SWAP70: variants seen among roughly 807,000 people sequenced by gnomAD.
SWAP70 encodes the protein switching B cell complex subunit SWAP70, also known as switch-associated protein 70.
Under a neutral mutation model 80.2 loss-of-function variants are expected in SWAP70, and 34 were observed. The observed-to-expected ratio is 0.42, with a 90% CI of 0.32 to 0.56. SWAP70 has a LOEUF of 0.56. Among genes scored for constraint, SWAP70 ranks in the 20% least tolerant of loss-of-function variants. SWAP70 has a pLI of 0.09. For synonymous variants in SWAP70, 239 were observed against 238.5 expected, an observed-to-expected ratio of 1.00 and a Z score of -0.02; for missense variants, 578 against 690.7, an observed-to-expected ratio of 0.84 and a Z score of 1.83.
intron 1 of SWAP70, chr11:9,681,178 G>A (rs1156950646): frequency 1.3e-5 from 2 of 152,228 alleles, no homozygotes; most frequent in Non-Finnish European, 2.9e-5. Flanking sequence ...TGAGAGAATG[G>A]GGCAGATCTT....
At chr11:9,699,420 G>A (rs977461930) in intron 2 of SWAP70, among the ~76,000 whole-genome samples, 2 of 152,010 alleles carry the variant, frequency 1.3e-5, no homozygotes, top group African/African-American at 4.8e-5. Context: ...TATTGCTCAG[G>A]TAGCTTATTT....
chr11:9,727,338 C>T (rs375725975), intron 4 of SWAP70, among the ~76,000 whole-genome samples: 6 of 152,184 alleles, frequency 3.9e-5, no homozygotes, highest in East Asian at 1.9e-4. Context: ...TGCAGTGAGC[C>T]GAGATTGCAC....
intron 7 of SWAP70, among the ~76,000 whole-genome samples, chr11:9,737,685 C>G: frequency 6.6e-6 from 1 of 152,062 alleles, no homozygotes; most frequent in East Asian, 1.9e-4. Context: ...ATCACGAGGT[C>G]AAGAGATCGA....
rs376319603 is a variant in SWAP70, at chr11:9,714,020, GC to G, written c.414+382del. Among the ~76,000 whole-genome samples the G allele has an allele frequency of 1.7e-3, 254 of 152,304 alleles. 1 individual carries two copies. The highest frequency in any genetic ancestry group is 0.01 in the Middle Eastern group (3 of 294). ...TGAGATCCAGAATGTTGTTTTCAGG[GC>G]TGTTTTGTGTGAGTAAATACTATTC... On this transcript the variant is annotated intron_variant, in intron 3 of 11. Transcript: ENST00000318950.
At chr11:9,706,909 T>C (rs1250128349) in intron 2 of SWAP70, among the ~76,000 whole-genome samples, 2 of 152,126 alleles carry the variant, frequency 1.3e-5, no homozygotes, top group Non-Finnish European at 2.9e-5. Flanking sequence ...TCCTTTTTTT[T>C]CTTTATTTTT....
At chr11:9,671,872 T>C (rs1475898909) in intron 1 of SWAP70, among the ~76,000 whole-genome samples, 1 of 101,720 alleles carries the variant, frequency 9.8e-6, no homozygotes, top group Non-Finnish European at 1.7e-5. Flanking sequence ...ATATTTATAA[T>C]TTAAATATAA....
chr11:9,734,425 A>G (rs1265874404), intron 7 of SWAP70, among the ~76,000 whole-genome samples: 1 of 152,238 alleles, frequency 6.6e-6, no homozygotes. Context: ...TGAAGAAGGC[A>G]TGCCTGGTGT....
intron 3 of SWAP70, among the ~76,000 whole-genome samples, chr11:9,718,599 A>G (rs1851094693): frequency 1.3e-5 from 2 of 152,250 alleles, no homozygotes; most frequent in African/African-American, 4.8e-5. Flanking sequence ...ATTTAATGTG[A>G]AAACAGATAT....
Position 9,738,325 on chromosome 11 carries a change from G to A in SWAP70, c.1188+5G>A. ...GAGCTGGAAAGAGAGAAGCTTGTGA[G>A]TATCACATGGCTGGAGAAAGCAGCT... On this transcript the variant is annotated splice_donor_5th_base_variant and intron_variant, in intron 8 of 11. Coordinates refer to ENST00000318950, the MANE Select transcript of SWAP70 (RefSeq NM_015055.4). 6.3e-7 allele frequency: 1 copy of A among 1,582,460 alleles called. No homozygotes were observed. The highest frequency in any genetic ancestry group is 8.6e-7 in the Non-Finnish European group (1 of 1,164,674).
intron 1 of SWAP70, among the ~76,000 whole-genome samples, chr11:9,686,755 G>A (rs1204229369): frequency 2.6e-5 from 4 of 152,154 alleles, no homozygotes; most frequent in African/African-American, 9.7e-5. Flanking sequence ...TTGTGTTGAT[G>A]CATCATGCTT....
In SWAP70 at chr11:9,699,386, C is replaced by CT. The variant is rs973881587; in HGVS notation, c.240+5109dup. ...AGCCTCAGCACTTTACAGTATAATG[C>CT]TTTTTTTTTGTTGCTGTTCTGTTTA... On this transcript the variant is annotated intron_variant, in intron 2 of 11. Transcript: ENST00000318950. Among the ~76,000 whole-genome samples, 98 of 150,836 alleles carry CT rather than the reference C, an allele frequency of 6.5e-4. 1 individual carries two copies. Among genetic ancestry groups the CT allele is most frequent in the African/African-American group, 2.2e-3 (90 of 41,128 alleles).
chr11:9,724,289 T>C (rs389534), intron 3 of SWAP70, among the ~76,000 whole-genome samples: 49,794 of 152,130 alleles, frequency 0.33, 8,386 homozygotes, highest in Non-Finnish European at 0.35. Context: ...ATGTTTAATT[T>C]AGCGCTTGTT....
At chr11:9,713,420 C>T (rs372046952) in intron 2 of SWAP70, 46 bp from the exon 3 acceptor site, 12 of 1,572,568 alleles carry the variant, frequency 7.6e-6, no homozygotes, top group Non-Finnish European at 9.5e-6. Context: ...TTAGATACTG[C>T]TTATATCGGA....
At chr11:9,709,079 A>G (rs906314549) in intron 2 of SWAP70, among the ~76,000 whole-genome samples, 3 of 151,888 alleles carry the variant, frequency 2.0e-5, no homozygotes, top group Non-Finnish European at 4.4e-5. Flanking sequence ...CTAATTAAAA[A>G]ATGTTTTTCT....
chr11:9,664,997 T>G (rs1180220812), intron 1 of SWAP70, among the ~76,000 whole-genome samples: 1 of 152,054 alleles, frequency 6.6e-6, no homozygotes, highest in African/African-American at 2.4e-5. Flanking sequence ...TTATTGTGAC[T>G]GCCGGAGACC....
intron 9 of SWAP70, among the ~76,000 whole-genome samples, chr11:9,744,957 T>C (rs1213395032): frequency 6.6e-6 from 1 of 152,164 alleles, no homozygotes; most frequent in African/African-American, 2.4e-5. Context: ...CCATAATCTG[T>C]CCTGTTGTAA....
intron 6 of SWAP70, among the ~76,000 whole-genome samples, chr11:9,731,126 C>T (rs985833931): frequency 2.0e-4 from 31 of 152,088 alleles, no homozygotes; most frequent in Non-Finnish European, 3.7e-4. Flanking sequence ...TTTTTTATGG[C>T]TCCGTAGTGA....
intron 2 of SWAP70, among the ~76,000 whole-genome samples, chr11:9,710,418 C>T (rs1850979867): frequency 6.6e-6 from 1 of 152,014 alleles, no homozygotes. Context: ...TAGACTGAGG[C>T]AAGGTACTAA....
In SWAP70 at chr11:9,751,109, A is replaced by G. The variant is rs372520662; in HGVS notation, c.*1139A>G. ...ATTATTTGTATAATTAAGAAAGCAG[A>G]TTAGATGCACATGGTCAACAGGAAG... On this transcript the variant is annotated 3_prime_UTR_variant, in exon 12 of 12. Transcript: ENST00000318950. 2.0e-5 allele frequency: 3 copies of G among 152,248 alleles called. No individual in the cohort carries two copies. The highest frequency in any genetic ancestry group is 2.9e-5 in the Non-Finnish European group (2 of 68,040). 9.4% of individuals were successfully genotyped at this position (152,248 alleles called of 1,614,324 possible).
Sources: gnomAD v4.1 joint callset for allele counts (sites outside exome capture counted in the v4.1 genomes callset) on GRCh38, gnomAD v4.1.1 for gene constraint, MANE v1.5 for transcripts, NCBI Gene and HGNC (gene_info 2026-07-23, HGNC 2026-07-21) for gene names.